Variants in TBPL1 observed in about 807,000 individuals in gnomAD.
TBPL1 encodes TATA box-binding protein-like 1.
TBPL1 carries 4 observed loss-of-function variants against 22.1 expected under a neutral mutation model. That is an observed-to-expected ratio of 0.18 (90% confidence interval 0.09 to 0.41). The LOEUF (loss-of-function observed/expected upper bound fraction) is 0.41, where lower values mean the gene tolerates loss of function less well. Ranked by LOEUF, TBPL1 falls within the 10% of genes least tolerant of loss-of-function variation. The probability of loss-of-function intolerance (pLI) is 1.00; values close to 1 mark genes in which losing one functional copy is unlikely to be tolerated. For synonymous variants in TBPL1, 64 were observed against 71.0 expected (o/e 0.90, Z 0.50); for missense variants, 115 against 222.3 (o/e 0.52, Z 3.07).
intron 1 of TBPL1, among the ~76,000 whole-genome samples, 193 bp from the exon 2 acceptor site, chr6:133,979,889 C>T (rs1417570781): frequency 2.0e-5 from 3 of 152,114 alleles, no homozygotes; most frequent in Non-Finnish European, 2.9e-5. Context: ...TCAGATGATC[C>T]AACCACCTTG....
rs1414401529 is a variant in TBPL1 at position 133,988,286 on chromosome 6, G to A, written c.*1246G>A. 1 of 152,180 alleles carries A rather than the reference G, an allele frequency of 6.6e-6. No homozygotes were observed. Among genetic ancestry groups the A allele is most frequent in the Non-Finnish European group, 1.5e-5 (1 of 68,028 alleles). 9.4% of individuals were successfully genotyped at this position (152,180 alleles called of 1,614,324 possible). ...TGAAACAGTGTCTCTGGCTCACCCA[G>A]GAGCCCTGATGTGGTAATACAGGAT... On this transcript the variant is annotated 3_prime_UTR_variant, in exon 7 of 7. Transcript: ENST00000237264.
chr6:133,965,288 A>G (rs1776099555), intron 1 of TBPL1, among the ~76,000 whole-genome samples: 1 of 152,220 alleles, frequency 6.6e-6, no homozygotes, highest in African/African-American at 2.4e-5. Flanking sequence ...AGTCCGTAAT[A>G]TGGGAAGTAG....
rs149922293 is a variant in TBPL1, at chr6:133,982,674, T to G, written c.218+24T>G. On this transcript the variant is annotated intron_variant, in intron 3 of 6. Coordinates refer to ENST00000237264, the MANE Select transcript of TBPL1 (RefSeq NM_004865.4). ...AGGTAAATGCTACTTGGGTTTTTTGTTTTTATTTTTTACTTTTTCCCTCAT... is the reference window on the plus strand; with the variant it reads ...AGGTAAATGCTACTTGGGTTTTTTGGTTTTATTTTTTACTTTTTCCCTCAT... 1.1e-4 allele frequency: 181 copies of G among 1,601,438 alleles called. No homozygotes were observed. In the African/African-American group the frequency reaches 2.3e-3, roughly 20 times the overall value.
At chr6:133,980,404 A>G in intron 2 of TBPL1, 144 bp downstream of exon 2, 1 of 901,114 alleles carries the variant, frequency 1.1e-6, no homozygotes, top group East Asian at 3.2e-5. Context: ...GAGCCCTGTA[A>G]AAGCAATCCC....
At chr6:133,972,678 G>GTGTTTGTT (rs66508723) in intron 1 of TBPL1, among the ~76,000 whole-genome samples, 1 of 150,904 alleles carries the variant, frequency 6.6e-6, no homozygotes, top group South Asian at 2.1e-4. Flanking sequence ...TATGATCTTG[G>GTGTTTGTT]TGTTTGTTTG....
rs201239077 is a variant in TBPL1 at position 133,980,088 on chromosome 6, A to T, written c.-38A>T. 1.4e-6 allele frequency: 2 copies of T among 1,450,892 alleles called. No individual in the cohort carries two copies. Among genetic ancestry groups the T allele is most frequent in the Admixed American group, 5.0e-5 (2 of 39,942 alleles). 89.9% of individuals were successfully genotyped at this position (1,450,892 alleles called of 1,614,324 possible). A position where few individuals can be genotyped will look rare whatever the true frequency, so the allele number is the denominator to read the frequency against. On this transcript the variant is annotated 5_prime_UTR_variant, in exon 2 of 7. It removes the in-frame stop codon of an upstream open reading frame in the 5' UTR. Coordinates refer to ENST00000237264, the MANE Select transcript of TBPL1 (RefSeq NM_004865.4). Reference sequence around the variant, plus strand: ...ATTTTGTTTTATTTCTCAGGATGTGATCTTCGTGGTGGAAAGCTAAATTTT... The same window carrying T: ...ATTTTGTTTTATTTCTCAGGATGTGTTCTTCGTGGTGGAAAGCTAAATTTT...
intron 6 of TBPL1, 54 bp downstream of exon 6, chr6:133,984,725 A>G: frequency 2.1e-6 from 3 of 1,400,680 alleles, no homozygotes; most frequent in East Asian, 2.3e-5. Flanking sequence ...ATGATACAAG[A>G]TGCTCATACC....
At chr6:133,958,238 C>A (rs1224494944) in intron 1 of TBPL1, among the ~76,000 whole-genome samples, 1 of 152,152 alleles carries the variant, frequency 6.6e-6, no homozygotes, top group Non-Finnish European at 1.5e-5. Context: ...AAGGAATAAA[C>A]CCCAATGGTT....
intron 1 of TBPL1, among the ~76,000 whole-genome samples, chr6:133,970,164 C>CT (rs1426957292): frequency 6.6e-6 from 1 of 152,204 alleles, no homozygotes; most frequent in Non-Finnish European, 1.5e-5. Context: ...TCAATTGACT[C>CT]TGTCAATTTT....
At chr6:133,956,874 G>A (rs1256008868) in intron 1 of TBPL1, among the ~76,000 whole-genome samples, 3 of 152,196 alleles carry the variant, frequency 2.0e-5, no homozygotes, top group African/African-American at 7.2e-5. Flanking sequence ...ACCACTTTGG[G>A]AAATTTCAAA....
intron 1 of TBPL1, among the ~76,000 whole-genome samples, chr6:133,967,017 G>A (rs550574266): frequency 5.9e-5 from 9 of 152,272 alleles, no homozygotes; most frequent in African/African-American, 2.2e-4. Context: ...ACGTGGCATA[G>A]AAGGCATGAT....
intron 1 of TBPL1, among the ~76,000 whole-genome samples, chr6:133,957,057 G>C (rs1042059837): frequency 6.6e-6 from 1 of 152,116 alleles, no homozygotes; most frequent in East Asian, 1.9e-4. Flanking sequence ...AAGGAATCAG[G>C]TCACATCAGA....
chr6:133,986,120 A>G (rs1776517769), intron 6 of TBPL1, among the ~76,000 whole-genome samples: 1 of 152,212 alleles, frequency 6.6e-6, no homozygotes, highest in South Asian at 2.1e-4. Context: ...CCCATGAACA[A>G]AGCATAGCAA....
Position 133,976,541 on chromosome 6 carries a change from A to G in TBPL1, c.-44-3541A>G, listed in dbSNP as rs968063148. Among the ~76,000 whole-genome samples, 9 of 152,114 alleles carry G rather than the reference A, an allele frequency of 5.9e-5. No homozygotes were observed. The South Asian group carries it at 6.2e-4, about 11-fold the overall frequency. Reference sequence around the variant, plus strand: ...GCTGTTTTATTGTTTTTCTTGTTTTAATTTAAACAAAGTGGTGAGTCTGTG... The same window carrying G: ...GCTGTTTTATTGTTTTTCTTGTTTTGATTTAAACAAAGTGGTGAGTCTGTG... On this transcript the variant is annotated intron_variant, in intron 1 of 6. Coordinates refer to ENST00000237264, the MANE Select transcript of TBPL1 (RefSeq NM_004865.4).
intron 1 of TBPL1, among the ~76,000 whole-genome samples, chr6:133,957,574 T>C (rs748327616): frequency 5.9e-5 from 9 of 152,248 alleles, no homozygotes; most frequent in Non-Finnish European, 1.3e-4. Context: ...GTATTTTCAC[T>C]GTGAGACAGA....
intron 4 of TBPL1, 28 bp downstream of exon 4, chr6:133,982,908 A>G (rs1776441691): frequency 1.3e-6 from 2 of 1,575,474 alleles, no homozygotes; most frequent in Non-Finnish European, 1.7e-6. Context: ...TATCTAAACT[A>G]CAAATATTCA....
chr6:133,967,253 G>T (rs1246127336), intron 1 of TBPL1, among the ~76,000 whole-genome samples: 1 of 152,170 alleles, frequency 6.6e-6, no homozygotes, highest in Admixed American at 6.5e-5. Context: ...TTGAATGAAG[G>T]TGATGCTCAG....
chr6:133,969,888 T>A (rs1021987247), intron 1 of TBPL1, among the ~76,000 whole-genome samples: 10 of 152,248 alleles, frequency 6.6e-5, no homozygotes, highest in South Asian at 2.1e-4. Flanking sequence ...GGAAATTTAC[T>A]GTATAATTCC....
chr6:133,963,664 G>T (rs1776062322), intron 1 of TBPL1, among the ~76,000 whole-genome samples: 1 of 152,024 alleles, frequency 6.6e-6, no homozygotes, highest in Admixed American at 6.5e-5. Flanking sequence ...CAAGCAACCT[G>T]CCCACCTTGG....
Sources: gnomAD v4.1 joint callset for allele counts (sites outside exome capture counted in the v4.1 genomes callset) on GRCh38, gnomAD v4.1.1 for gene constraint, MANE v1.5 for transcripts, NCBI Gene and HGNC (gene_info 2026-07-23, HGNC 2026-07-21) for gene names.